KATNIP: variants seen among roughly 807,000 people sequenced by gnomAD.
KATNIP encodes the protein katanin interacting protein, also known as katanin-interacting protein.
A neutral mutation model predicts 174.0 loss-of-function variants in KATNIP; 126 were observed. The observed-to-expected ratio is 0.72, with a 90% CI of 0.63 to 0.84. The LOEUF is 0.84. KATNIP is among the 40% of genes least tolerant of loss of function. The pLI is 0.00. For synonymous variants in KATNIP, 810 were observed against 835.7 expected (o/e 0.97, Z 0.53); for missense variants, 1,958 against 2,109.7 (o/e 0.93, Z 1.41).
At chr16:27,641,163 G>A (rs1339538054) in intron 5 of KATNIP, among the ~76,000 whole-genome samples, 1 of 151,684 alleles carries the variant, frequency 6.6e-6, no homozygotes, top group Non-Finnish European at 1.5e-5. Context: ...GAGAGAGAGA[G>A]ACCTGGGCTT....
At chr16:27,774,473 G>A (rs556845671) in intron 23 of KATNIP, among the ~76,000 whole-genome samples, 9 of 152,194 alleles carry the variant, frequency 5.9e-5, no homozygotes, top group Admixed American at 3.9e-4. Context: ...GCTAGAAGCT[G>A]GGTTCTGCAG....
intron 2 of KATNIP, among the ~76,000 whole-genome samples, chr16:27,589,354 G>A (rs1388340130): frequency 6.6e-6 from 1 of 152,170 alleles, no homozygotes; most frequent in Non-Finnish European, 1.5e-5. Flanking sequence ...GGGCCACACG[G>A]TCTCTTGTCA....
intron 2 of KATNIP, among the ~76,000 whole-genome samples, chr16:27,596,744 C>T (rs896267392): frequency 3.3e-5 from 5 of 152,120 alleles, no homozygotes; most frequent in African/African-American, 1.2e-4. Flanking sequence ...AAAAATAGGC[C>T]AGGCATGGTG....
chr16:27,714,443 TTTGGAGATAATTA>T (rs1254433600), intron 13 of KATNIP, among the ~76,000 whole-genome samples: 1 of 152,188 alleles, frequency 6.6e-6, no homozygotes, highest in African/African-American at 2.4e-5. Flanking sequence ...AAACTTTTTA[TTTGGAGATAATTA>T]TAGACTCACA....
intron 8 of KATNIP, among the ~76,000 whole-genome samples, chr16:27,683,028 T>G (rs1434877576): frequency 6.6e-6 from 1 of 152,190 alleles, no homozygotes; most frequent in African/African-American, 2.4e-5. Context: ...CTTCTATAAC[T>G]ATAAGAAATA....
At chr16:27,663,802 C>T (rs1465169730) in intron 6 of KATNIP, among the ~76,000 whole-genome samples, 5 of 147,686 alleles carry the variant, frequency 3.4e-5, no homozygotes, top group Admixed American at 6.8e-5. Context: ...TTTTTTTTTT[C>T]CCCTCCTATA....
intron 6 of KATNIP, among the ~76,000 whole-genome samples, chr16:27,657,592 AAAAACAAAAC>A (rs563570772): frequency 2.0e-5 from 3 of 151,940 alleles, no homozygotes; most frequent in African/African-American, 4.8e-5. Flanking sequence ...TTAAAAAACA[AAAAACAAAAC>A]AAAACAAAAC....
chr16:27,675,257 A>T (rs953640817), intron 6 of KATNIP, among the ~76,000 whole-genome samples: 8 of 152,130 alleles, frequency 5.3e-5, no homozygotes, highest in Non-Finnish European at 1.0e-4. Context: ...TGTGCAGGGG[A>T]ACTCCCCTTT....
chr16:27,738,255 G>A (rs879520660), intron 14 of KATNIP, among the ~76,000 whole-genome samples: 107 of 152,124 alleles, frequency 7.0e-4, no homozygotes, highest in Non-Finnish European at 1.0e-3. Context: ...ATAAGTGGGT[G>A]GTTGCCTGGA....
At chr16:27,574,160 A>T in intron 2 of KATNIP, 1 of 571,916 alleles carries the variant, frequency 1.7e-6, no homozygotes, top group Non-Finnish European at 3.1e-6. Context: ...ACTTGTAATA[A>T]TCATCTCTGA....
rs2078987115 is a variant in KATNIP, at chr16:27,698,360, G to T, written c.973G>T (p.Ala325Ser). Residue 325 changes from alanine to serine, a missense_variant, in exon 9 of 28, where the codon GCA (alanine) becomes TCA (serine). This residue lies in a region of KATNIP where 1,557 missense variants were observed against 1,617.8 expected (regional missense o/e 0.96). Coordinates refer to ENST00000261588, the MANE Select transcript of KATNIP (RefSeq NM_015202.5). Reference protein sequence around the residue: ...PGSRRERPLSATRKTLCEAEY... With the variant: ...PGSRRERPLSSTRKTLCEAEY... ...AAGCCGGCGAGAGAGACCCCTGTCTGCAACCCGCAAAACTCTTTGCGAGGC... is the reference window on the plus strand; with the variant it reads ...AAGCCGGCGAGAGAGACCCCTGTCTTCAACCCGCAAAACTCTTTGCGAGGC... 6.2e-7 allele frequency: 1 copy of T among 1,612,146 alleles called. No homozygotes were observed. The highest frequency in any genetic ancestry group is 1.3e-5 in the African/African-American group (1 of 74,906).
At chr16:27,763,114 G>A (rs1355199183) in intron 19 of KATNIP, among the ~76,000 whole-genome samples, 3 of 150,242 alleles carry the variant, frequency 2.0e-5, no homozygotes, top group African/African-American at 7.4e-5. Context: ...CCAGGAATTC[G>A]AGACCAGCCT....
chr16:27,776,912 T>A lies in KATNIP; in HGVS notation c.4450-16T>A. The A allele has an allele frequency of 6.4e-7, 1 of 1,570,714 alleles. No individual in the cohort carries two copies. Among genetic ancestry groups the A allele is most frequent in the Admixed American group, 1.7e-5 (1 of 59,870 alleles). ...TTCCAAACATGCCTGTTTTAATTAG[T>A]GCCGCTCTCTGACAGGTGAACCGGG... On this transcript the variant is annotated splice_polypyrimidine_tract_variant and intron_variant, in intron 24 of 27. Transcript: ENST00000261588. This position sits in a 1 kb window ranked among gnomAD's most constrained non-coding sequence, Gnocchi z 4.7.
At chr16:27,749,530 A>G (rs2081414489) in intron 15 of KATNIP, 54 bp from the exon 16 acceptor site, 1 of 1,506,766 alleles carries the variant, frequency 6.6e-7, no homozygotes, top group Non-Finnish European at 8.9e-7. Flanking sequence ...AATGGTCCCC[A>G]CTTCCACACA....
At chr16:27,750,732 C>CT (rs397854747) in intron 16 of KATNIP, among the ~76,000 whole-genome samples, 7,564 of 92,050 alleles carry the variant, frequency 0.082, 147 homozygotes, top group Non-Finnish European at 0.096. Flanking sequence ...GCGCCCAGCC[C>CT]TTTTTTTTTT....
intron 21 of KATNIP, 121 bp from the exon 22 acceptor site, chr16:27,771,467 G>A (rs752110547): frequency 4.7e-6 from 4 of 854,216 alleles, no homozygotes; most frequent in Non-Finnish European, 7.3e-6. Flanking sequence ...TCTTTTCCCT[G>A]CTGCATCCTA....
chr16:27,757,861 T>G (rs371241949), intron 18 of KATNIP, among the ~76,000 whole-genome samples: 3 of 152,190 alleles, frequency 2.0e-5, no homozygotes. Flanking sequence ...ATCCTATTAA[T>G]GTTTTGAAAG....
At chr16:27,607,362 G>T (rs1328478929) in intron 2 of KATNIP, among the ~76,000 whole-genome samples, 2 of 152,082 alleles carry the variant, frequency 1.3e-5, no homozygotes, top group African/African-American at 2.4e-5. Context: ...CTGTAAAATG[G>T]GCACAAGGAT....
At chr16:27,747,640 G>C (rs946287189) in intron 15 of KATNIP, among the ~76,000 whole-genome samples, 1 of 151,878 alleles carries the variant, frequency 6.6e-6, no homozygotes, top group Non-Finnish European at 1.5e-5. Context: ...GCCGGAAGGT[G>C]GGGGGTGGGG....
Sources: allele counts gnomAD v4.1 joint callset (sites outside exome capture counted in the v4.1 genomes callset), GRCh38; gene constraint gnomAD v4.1.1; regional missense constraint gnomAD v4.1.1; non-coding constraint Gnocchi (gnomAD v3.1); transcripts MANE v1.5; gene names NCBI Gene and HGNC (gene_info 2026-07-23, HGNC 2026-07-21).